Variants in RAB38 observed in about 807,000 individuals in gnomAD.
The protein encoded by RAB38 is ras-related protein Rab-38.
Under a neutral mutation model 18.4 loss-of-function variants are expected in RAB38, and 15 were observed. That is an observed-to-expected ratio of 0.82 (90% confidence interval 0.55 to 1.26). The LOEUF (loss-of-function observed/expected upper bound fraction) is 1.26, where lower values mean the gene tolerates loss of function less well. Ranked by LOEUF, RAB38 falls within the 50% of genes most tolerant of loss-of-function variation. The probability of loss-of-function intolerance (pLI) is 0.00; values close to 1 mark genes in which losing one functional copy is unlikely to be tolerated. For missense variants in RAB38, 294 were observed against 267.4 expected (o/e 1.10, Z -0.69); for synonymous variants, 101 against 104.4 (o/e 0.97, Z 0.20).
the RAB38 span, among the ~76,000 whole-genome samples, chr11:87,972,511 TAGC>T: frequency 9.4e-6 from 1 of 106,268 alleles, no homozygotes; most frequent in African/African-American, 3.3e-5. Flanking sequence ...TCCAATTAGA[TAGC>T]AGTTCTTGTT....
At chr11:88,004,254 A>G in the RAB38 span, among the ~76,000 whole-genome samples, 1 of 150,096 alleles carries the variant, frequency 6.7e-6, no homozygotes, top group African/African-American at 2.4e-5. Context: ...AAAACAGCAA[A>G]TTGATTACAG....
chr11:87,885,075 C>A, the RAB38 span, among the ~76,000 whole-genome samples: 1 of 151,988 alleles, frequency 6.6e-6, no homozygotes, highest in Admixed American at 6.6e-5. Flanking sequence ...AAAATTTCTT[C>A]ATGATGATTT....
chr11:88,087,870 G>A, the RAB38 span, among the ~76,000 whole-genome samples: 407 of 151,950 alleles, frequency 2.7e-3, 1 homozygote, highest in African/African-American at 9.2e-3. Context: ...ACCAGATCCC[G>A]TTTTGGTCAG....
the RAB38 span, among the ~76,000 whole-genome samples, chr11:88,099,704 T>C: frequency 7.2e-5 from 11 of 151,850 alleles, no homozygotes; most frequent in African/African-American, 2.2e-4. Context: ...CCAACACCAG[T>C]GATATTTGAT....
chr11:88,014,637 A>G, the RAB38 span, among the ~76,000 whole-genome samples: 1 of 151,912 alleles, frequency 6.6e-6, no homozygotes, highest in Non-Finnish European at 1.5e-5. Flanking sequence ...ACCCATACCT[A>G]CCCTGCTGGC....
At chr11:87,902,118 G>A in the RAB38 span, among the ~76,000 whole-genome samples, 2 of 151,390 alleles carry the variant, frequency 1.3e-5, no homozygotes, top group Non-Finnish European at 3.0e-5. Flanking sequence ...CCATCTTACA[G>A]AGAAAGAAAT....
chr11:87,977,870 T>C, the RAB38 span, among the ~76,000 whole-genome samples: 1 of 111,762 alleles, frequency 8.9e-6, no homozygotes, highest in African/African-American at 3.5e-5. Flanking sequence ...TACTTACAAA[T>C]ATATATAAAG....
chr11:87,870,722 C>T, the RAB38 span, among the ~76,000 whole-genome samples: 5 of 151,424 alleles, frequency 3.3e-5, no homozygotes, highest in Non-Finnish European at 5.9e-5. Context: ...TCTGCCCAAG[C>T]GAATTTTTAA....
chr11:87,815,062 G>A, the RAB38 span: 1 of 152,190 alleles, frequency 6.6e-6, no homozygotes, highest in African/African-American at 2.4e-5. Context: ...TTAGGGCAGT[G>A]AGTGGTATAG....
At chr11:88,009,946 C>T in the RAB38 span, among the ~76,000 whole-genome samples, 1 of 152,002 alleles carries the variant, frequency 6.6e-6, no homozygotes, top group East Asian at 1.9e-4. Flanking sequence ...TGAAATGAGA[C>T]CCAAATCTAA....
the RAB38 span, among the ~76,000 whole-genome samples, chr11:87,941,237 A>ATATATATATATATATATATATATG: frequency 2.0e-3 from 248 of 123,598 alleles, no homozygotes; most frequent in Non-Finnish European, 3.6e-3. Flanking sequence ...ATATATATAT[A>ATATATATATATATATATATATATG]TATATATATG....
At chr11:87,806,309 G>C in the RAB38 span, among the ~76,000 whole-genome samples, 1 of 152,116 alleles carries the variant, frequency 6.6e-6, no homozygotes, top group Non-Finnish European at 1.5e-5. Flanking sequence ...CCAAGATCAG[G>C]GCACCAGCAG....
chr11:87,857,973 C>T, the RAB38 span, among the ~76,000 whole-genome samples: 75 of 152,224 alleles, frequency 4.9e-4, no homozygotes, highest in African/African-American at 1.4e-3. Context: ...CCTAGGTTTT[C>T]TTCTAGGGTT....
At chr11:87,966,000 G>A in the RAB38 span, among the ~76,000 whole-genome samples, 1 of 152,112 alleles carries the variant, frequency 6.6e-6, no homozygotes, top group Non-Finnish European at 1.5e-5. Flanking sequence ...TGTGTTGTGG[G>A]CCTCAGTAAC....
the RAB38 span, among the ~76,000 whole-genome samples, chr11:88,067,935 A>T: frequency 1.4e-5 from 2 of 146,786 alleles, no homozygotes; most frequent in African/African-American, 5.1e-5. Context: ...ATATACACAC[A>T]CACATATATA....
the RAB38 span, among the ~76,000 whole-genome samples, chr11:87,888,692 G>A: frequency 6.6e-6 from 1 of 152,020 alleles, no homozygotes; most frequent in African/African-American, 2.4e-5. Flanking sequence ...CTGGAAACAT[G>A]CAAGAAACCA....
chr11:88,099,028 G>A, the RAB38 span, among the ~76,000 whole-genome samples: 1 of 151,696 alleles, frequency 6.6e-6, no homozygotes, highest in Non-Finnish European at 1.5e-5. Flanking sequence ...TTTTTAACTG[G>A]ACATAGAGTG....
At chr11:88,151,553 G>T (rs1943063640) in intron 1 of RAB38, among the ~76,000 whole-genome samples, 1 of 152,154 alleles carries the variant, frequency 6.6e-6, no homozygotes. Flanking sequence ...GTCTTATAAA[G>T]TTATATAAAT....
the RAB38 span, among the ~76,000 whole-genome samples, chr11:87,852,329 G>C: frequency 6.6e-6 from 1 of 152,120 alleles, no homozygotes; most frequent in South Asian, 2.1e-4. Flanking sequence ...TCAAGATTTT[G>C]GAGTAGTAAG....
Sources: gnomAD v4.1 joint callset for allele counts (sites outside exome capture counted in the v4.1 genomes callset) on GRCh38, gnomAD v4.1.1 for gene constraint, MANE v1.5 for transcripts, NCBI Gene and HGNC (gene_info 2026-07-23, HGNC 2026-07-21) for gene names.